The following CSMD1 variants were observed in gnomAD, a reference collection of about 807,000 sequenced individuals.
The protein encoded by CSMD1 is CUB and Sushi multiple domains 1, also known as CUB and sushi domain-containing protein 1.
In CSMD1, 213 loss-of-function variants were observed where a neutral mutation model predicts 417.5. The observed-to-expected ratio is 0.51, with a 90% CI of 0.46 to 0.57. CSMD1 has a LOEUF of 0.57. Among genes scored for constraint, CSMD1 ranks in the 20% least tolerant of loss-of-function variants. The pLI is 0.00. For synonymous variants in CSMD1, 2,862 were observed against 1,736.8 expected, an observed-to-expected ratio of 1.65 and a Z score of -16.11; for missense variants, 6,923 against 4,529.7, an observed-to-expected ratio of 1.53 and a Z score of -15.17.
intron 49 of CSMD1, among the ~76,000 whole-genome samples, chr8:3,053,309 T>C (rs945376771): frequency 1.3e-5 from 2 of 152,172 alleles, no homozygotes; most frequent in African/African-American, 4.8e-5. Context: ...CTTCATCTCA[T>C]ATTGGAAAGA....
chr8:4,076,954 C>G (rs1185739202), intron 3 of CSMD1, among the ~76,000 whole-genome samples: 1 of 152,146 alleles, frequency 6.6e-6, no homozygotes, highest in Non-Finnish European at 1.5e-5. Flanking sequence ...ACAAGGATAA[C>G]ACTTTCCTCT....
intron 54 of CSMD1, among the ~76,000 whole-genome samples, chr8:2,989,253 T>C: frequency 6.6e-6 from 1 of 152,238 alleles, no homozygotes. Flanking sequence ...CTTCACCATC[T>C]TTATGAGTCT....
chr8:4,805,791 G>A (rs896716967), intron 1 of CSMD1, among the ~76,000 whole-genome samples: 2 of 152,112 alleles, frequency 1.3e-5, no homozygotes, highest in Admixed American at 6.5e-5. Flanking sequence ...GGGTGAACAC[G>A]TTGAGATGAA....
chr8:4,361,703 C>T (rs7837851), intron 3 of CSMD1, among the ~76,000 whole-genome samples: 6,103 of 151,842 alleles, frequency 0.04, 300 homozygotes, highest in African/African-American at 0.11. Context: ...CGCCTGTAAT[C>T]CCAACACTTT....
chr8:3,473,594 G>C (rs79938480), intron 11 of CSMD1, among the ~76,000 whole-genome samples: 2,361 of 152,220 alleles, frequency 0.016, 27 homozygotes, highest in Non-Finnish European at 0.023. Flanking sequence ...TTATCTGTTT[G>C]AAACAGGATT....
intron 5 of CSMD1, among the ~76,000 whole-genome samples, chr8:3,940,911 T>A (rs1810836691): frequency 6.6e-6 from 1 of 151,804 alleles, no homozygotes; most frequent in Admixed American, 6.6e-5. Flanking sequence ...TATGTCTACA[T>A]TTAAAATATA....
intron 1 of CSMD1, among the ~76,000 whole-genome samples, chr8:4,897,837 G>A (rs1378802139): frequency 1.3e-5 from 2 of 152,094 alleles, no homozygotes; most frequent in African/African-American, 4.8e-5. Flanking sequence ...TTTGTATAAT[G>A]CTAAGAAGAG....
chr8:4,190,230 G>A (rs532299222), intron 3 of CSMD1, among the ~76,000 whole-genome samples: 1 of 134,000 alleles, frequency 7.5e-6, no homozygotes, highest in Non-Finnish European at 1.5e-5. Flanking sequence ...CTGCCCTCCA[G>A]CCTGGGCAAC....
At chr8:4,309,282 G>C (rs1446680616) in intron 3 of CSMD1, among the ~76,000 whole-genome samples, 1 of 151,928 alleles carries the variant, frequency 6.6e-6, no homozygotes, top group Non-Finnish European at 1.5e-5. Flanking sequence ...AGCTTCTTCA[G>C]ATACAATATA....
At chr8:3,155,013 T>C (rs532681513) in intron 39 of CSMD1, among the ~76,000 whole-genome samples, 5 of 152,310 alleles carry the variant, frequency 3.3e-5, no homozygotes, top group South Asian at 2.1e-4. Context: ...AAAACTTGTA[T>C]ACCCTGTAAA....
At chr8:4,032,798 A>C (rs1440118529) in intron 3 of CSMD1, among the ~76,000 whole-genome samples, 1 of 152,170 alleles carries the variant, frequency 6.6e-6, no homozygotes, top group Non-Finnish European at 1.5e-5. Flanking sequence ...AAATAATAAA[A>C]TTCAAAGGCC....
chr8:4,449,932 G>A (rs1024095759), intron 2 of CSMD1, among the ~76,000 whole-genome samples: 2 of 152,174 alleles, frequency 1.3e-5, no homozygotes, highest in Non-Finnish European at 2.9e-5. Context: ...CCAATACACA[G>A]AAGATGCTCA....
chr8:4,761,335 T>C (rs1812027411), intron 1 of CSMD1, among the ~76,000 whole-genome samples: 1 of 151,896 alleles, frequency 6.6e-6, no homozygotes, highest in South Asian at 2.1e-4. Context: ...TAAAAGTCAA[T>C]TTTTACATTA....
At chr8:3,291,067 C>G (rs1020162417) in intron 25 of CSMD1, among the ~76,000 whole-genome samples, 1 of 152,244 alleles carries the variant, frequency 6.6e-6, no homozygotes, top group East Asian at 1.9e-4. Flanking sequence ...GCCTTTTCTG[C>G]ATCTTTTGAG....
At chr8:3,894,725 T>G (rs931543028) in intron 5 of CSMD1, among the ~76,000 whole-genome samples, 17 of 152,198 alleles carry the variant, frequency 1.1e-4, no homozygotes, top group African/African-American at 4.1e-4. Context: ...ATTAGTTTCT[T>G]GATTAACTAG....
chr8:3,151,091 G>A (rs994199147), intron 40 of CSMD1, among the ~76,000 whole-genome samples: 1 of 152,082 alleles, frequency 6.6e-6, no homozygotes, highest in Admixed American at 6.5e-5. Context: ...ATTAGAAAAA[G>A]AGCTATTATA....
chr8:3,238,061 G>C (rs1799266439), intron 26 of CSMD1, among the ~76,000 whole-genome samples: 1 of 151,938 alleles, frequency 6.6e-6, no homozygotes, highest in African/African-American at 2.4e-5. Flanking sequence ...TATTTCACCT[G>C]GGTGCAGACG....
chr8:3,730,009 G>C (rs560744214), intron 6 of CSMD1, among the ~76,000 whole-genome samples: 5 of 146,944 alleles, frequency 3.4e-5, no homozygotes, highest in African/African-American at 1.3e-4. Context: ...AAGTTCAGAG[G>C]AGAAAAATCT....
intron 26 of CSMD1, among the ~76,000 whole-genome samples, chr8:3,251,194 T>A (rs1455389795): frequency 6.6e-6 from 1 of 152,210 alleles, no homozygotes; most frequent in African/African-American, 2.4e-5. Context: ...TTTATGGTTT[T>A]AGGTCTAACA....
Sources: allele counts gnomAD v4.1 joint callset (sites outside exome capture counted in the v4.1 genomes callset), GRCh38; gene constraint gnomAD v4.1.1; transcripts MANE v1.5; gene names NCBI Gene and HGNC (gene_info 2026-07-23, HGNC 2026-07-21).